IL21R: variants seen among roughly 807,000 people sequenced by gnomAD.
IL21R encodes the protein interleukin-21 receptor.
IL21R carries 14 observed loss-of-function variants against 41.3 expected under a neutral mutation model. The observed-to-expected ratio is 0.34, with a 90% confidence interval of 0.22 to 0.53. IL21R has a LOEUF of 0.53. IL21R is among the 20% of genes least tolerant of loss of function. The pLI is 0.94. For missense variants in IL21R, 588 were observed against 681.6 expected (o/e 0.86, Z 1.53); for synonymous variants, 286 against 287.6 (o/e 0.99, Z 0.05).
chr16:27,407,869 A>G (rs913140559), intron 1 of IL21R, among the ~76,000 whole-genome samples: 1 of 137,798 alleles, frequency 7.3e-6, no homozygotes, highest in African/African-American at 2.9e-5. Flanking sequence ...TATCCTCACC[A>G]AATACATAAG....
chr16:27,445,384 G>A (rs993543106), intron 7 of IL21R, 108 bp downstream of exon 7: 5 of 740,778 alleles, frequency 6.7e-6, no homozygotes, highest in Non-Finnish European at 1.2e-5. Flanking sequence ...TAACAATGAT[G>A]ATGATGGGAT....
rs373008358 is a variant in IL21R, at chr16:27,423,128, T to G, written c.-16-6928T>G. On this transcript the variant is annotated intron_variant, in intron 1 of 8. Coordinates refer to ENST00000337929, the MANE Select transcript of IL21R (RefSeq NM_181078.3). ...TTGCTAAGTTTCTTGGCATGCTACT[T>G]ATTTTCAATGACTTTGCACATGATT... 6.0e-4 allele frequency among the ~76,000 whole-genome samples: 92 copies of G among 152,330 alleles called. 1 individual carries two copies. The highest frequency in any genetic ancestry group is 2.1e-3 in the African/African-American group (87 of 41,590).
intron 1 of IL21R, among the ~76,000 whole-genome samples, chr16:27,404,914 C>A (rs1347181144): frequency 6.6e-6 from 1 of 152,158 alleles, no homozygotes; most frequent in African/African-American, 2.4e-5. Flanking sequence ...ATGGCCCAGG[C>A]ACCTCCCTAG....
At chr16:27,441,921 G>T (rs1567370759) in intron 4 of IL21R, among the ~76,000 whole-genome samples, 1 of 152,176 alleles carries the variant, frequency 6.6e-6, no homozygotes. Context: ...TGAAGTGGGA[G>T]GATGGCTTGA....
At chr16:27,420,633 G>T (rs2086984362) in intron 1 of IL21R, among the ~76,000 whole-genome samples, 1 of 152,084 alleles carries the variant, frequency 6.6e-6, no homozygotes, top group Non-Finnish European at 1.5e-5. Context: ...CAAATCTTTT[G>T]CCCATTTTAA....
intron 2 of IL21R, among the ~76,000 whole-genome samples, chr16:27,430,822 G>GCAACAA (rs368045937): frequency 6.6e-6 from 1 of 152,058 alleles, no homozygotes; most frequent in African/African-American, 2.4e-5. Context: ...CAAAACAACA[G>GCAACAA]CAACAACAAC....
At chr16:27,417,163 C>CTTTTTTTTTTTTTTTTTTTTTTTTT (rs577149386) in intron 1 of IL21R, among the ~76,000 whole-genome samples, 4 of 126,624 alleles carry the variant, frequency 3.2e-5, no homozygotes, top group African/African-American at 6.0e-5. Context: ...TTTTTCTTTT[C>CTTTTTTTTTTTTTTTTTTTTTTTTT]TTTTTTTTTT....
chr16:27,443,184 T>G, intron 5 of IL21R, 68 bp downstream of exon 5: 1 of 1,372,652 alleles, frequency 7.3e-7, no homozygotes, highest in Non-Finnish European at 9.9e-7. Context: ...CAAAGGCATC[T>G]GGGTGGGAGA....
At chr16:27,438,491 G>A (rs2087313623) in intron 4 of IL21R, among the ~76,000 whole-genome samples, 1 of 152,196 alleles carries the variant, frequency 6.6e-6, no homozygotes, top group African/African-American at 2.4e-5. Context: ...TTGGAAGGCT[G>A]AGGCAGGAGG....
Position 27,449,372 on chromosome 16 carries a change from C to A in IL21R, c.*89C>A. 1 of 1,362,182 alleles carries A rather than the reference C, an allele frequency of 7.3e-7. No individual in the cohort carries two copies. The highest frequency in any genetic ancestry group is 9.9e-7 in the Non-Finnish European group (1 of 1,013,488). 84.4% of individuals were successfully genotyped at this position (1,362,182 alleles called of 1,614,324 possible). A position where few individuals can be genotyped will look rare whatever the true frequency, so the allele number is the denominator to read the frequency against. ...CTGGGCTGTGATGTGAAGACACCTG[C>A]AGCCTTTGGTCTCCTGGATGGGCCT... is the stretch of plus-strand genomic sequence containing the variant. On this transcript the variant is annotated 3_prime_UTR_variant, in exon 9 of 9. Transcript: ENST00000337929.
chr16:27,405,277 C>A (rs151300374), intron 1 of IL21R, among the ~76,000 whole-genome samples: 1 of 152,270 alleles, frequency 6.6e-6, no homozygotes, highest in African/African-American at 2.4e-5. Context: ...AAGTGATCTG[C>A]CTGTCTCAGT....
At chr16:27,418,011 A>ATTTATTTTAT (rs1171442663) in intron 1 of IL21R, among the ~76,000 whole-genome samples, 4,318 of 97,746 alleles carry the variant, frequency 0.044, 90 homozygotes, top group Non-Finnish European at 0.06. Flanking sequence ...TTCCTATTTT[A>ATTTATTTTAT]TTTATTTTAT....
chr16:27,408,290 C>T (rs1181021281), intron 1 of IL21R, among the ~76,000 whole-genome samples: 2 of 152,160 alleles, frequency 1.3e-5, no homozygotes, highest in Non-Finnish European at 2.9e-5. Context: ...TCAAAAAGGG[C>T]AGATAGTTTC....
intron 4 of IL21R, among the ~76,000 whole-genome samples, chr16:27,440,277 A>AGAGAGAGAGAGAGAGAGAGC (rs1320948814): frequency 2.9e-5 from 4 of 136,642 alleles, no homozygotes; most frequent in African/African-American, 1.2e-4. Context: ...AGAGAGAGAG[A>AGAGAGAGAGAGAGAGAGAGC]GAGCGAGCAA....
intron 7 of IL21R, 63 bp downstream of exon 7, chr16:27,445,339 A>AT: frequency 9.8e-6 from 10 of 1,020,652 alleles, no homozygotes; most frequent in Non-Finnish European, 1.5e-5. Context: ...CCTGTATGAT[A>AT]CATGCAGGGT....
At chr16:27,425,758 G>C (rs2087066188) in intron 1 of IL21R, among the ~76,000 whole-genome samples, 1 of 152,082 alleles carries the variant, frequency 6.6e-6, no homozygotes, top group Admixed American at 6.5e-5. Flanking sequence ...GTTTCGCCGT[G>C]TTGGCCAGGC....
chr16:27,437,524 C>T lies in IL21R; in HGVS notation c.189C>T (p.Thr63=). ...ATGAAGAGCTGAAGGACGAGGCCACCTCCTGCAGCCTCCACAGGTCGGCCC... is the reference window on the plus strand; with the variant it reads ...ATGAAGAGCTGAAGGACGAGGCCACTTCCTGCAGCCTCCACAGGTCGGCCC... ...DQYEELKDEA[T]SCSLHRSAHN... The change falls in exon 4 of 9, where the codon ACC becomes ACT. Residue 63 remains threonine (T), a synonymous_variant. Transcript: ENST00000337929. 4 of 1,614,132 alleles carry T rather than the reference C, an allele frequency of 2.5e-6. No individual in the cohort carries two copies. The highest frequency in any genetic ancestry group is 3.3e-4 in the Middle Eastern group (2 of 6,020).
intron 1 of IL21R, among the ~76,000 whole-genome samples, chr16:27,407,711 G>T (rs2086768667): frequency 6.6e-6 from 1 of 152,200 alleles, no homozygotes; most frequent in Non-Finnish European, 1.5e-5. Flanking sequence ...TGTAATCCCA[G>T]CTACTTGGGA....
At chr16:27,426,893 G>A (rs1468607812) in intron 1 of IL21R, among the ~76,000 whole-genome samples, 1 of 152,110 alleles carries the variant, frequency 6.6e-6, no homozygotes, top group Non-Finnish European at 1.5e-5. Context: ...CAACATAGGT[G>A]GTTTTTGGCT....
Sources: allele counts gnomAD v4.1 joint callset (sites outside exome capture counted in the v4.1 genomes callset), GRCh38; gene constraint gnomAD v4.1.1; transcripts MANE v1.5; gene names NCBI Gene and HGNC (gene_info 2026-07-23, HGNC 2026-07-21).